SPAG16: variants seen among roughly 807,000 people sequenced by gnomAD.
SPAG16 encodes sperm-associated antigen 16 protein.
Under a neutral mutation model 80.4 loss-of-function variants are expected in SPAG16, and 86 were observed. That is an observed-to-expected ratio of 1.07 (90% CI 0.90 to 1.28). The LOEUF is 1.28. Ranked by LOEUF, SPAG16 falls within the 50% of genes most tolerant of loss-of-function variation. SPAG16 has a pLI of 0.00. For synonymous variants in SPAG16, 294 were observed against 265.9 expected (o/e 1.11, Z -1.03); for missense variants, 870 against 765.3 (o/e 1.14, Z -1.61).
At chr2:213,876,142 G>A (rs759694288) in intron 11 of SPAG16, among the ~76,000 whole-genome samples, 24 of 152,116 alleles carry the variant, frequency 1.6e-4, no homozygotes, top group South Asian at 8.3e-4. Flanking sequence ...CCAACTATAA[G>A]CAAATGCAGA....
At chr2:213,989,810 T>C (rs1218724484) in intron 12 of SPAG16, among the ~76,000 whole-genome samples, 2 of 152,150 alleles carry the variant, frequency 1.3e-5, no homozygotes, top group Non-Finnish European at 2.9e-5. Context: ...ATGATTTGCC[T>C]GTAGTTATGT....
intron 10 of SPAG16, among the ~76,000 whole-genome samples, chr2:213,579,765 A>C (rs2060242879): frequency 6.6e-6 from 1 of 152,148 alleles, no homozygotes; most frequent in Admixed American, 6.6e-5. Context: ...TAGCCAAAGC[A>C]ATAAAGATTA....
chr2:213,911,484 T>A (rs1285659991), intron 11 of SPAG16, among the ~76,000 whole-genome samples: 1 of 152,162 alleles, frequency 6.6e-6, no homozygotes, highest in Non-Finnish European at 1.5e-5. Flanking sequence ...TTATGTAAAG[T>A]CTGAAAAATG....
Position 213,340,167 on chromosome 2 carries a change from G to A in SPAG16, c.541G>A (p.Ala181Thr), listed in dbSNP as rs2124953788. Residue 181 changes from alanine (A) to threonine (T), a missense_variant, in exon 6 of 16, where the codon GCT becomes ACT. Coordinates refer to ENST00000331683, the MANE Select transcript of SPAG16 (RefSeq NM_024532.5). ...LKHYKQAADK[A>T]REDLLKIQKE... ...AAGTTACTATTTTTTTTTCAGCAAA[G>A]CTAGAGAAGATTTGCTGAAAATTCA... 6.2e-7 allele frequency: 1 copy of A among 1,601,160 alleles called. No homozygotes were observed. The highest frequency in any genetic ancestry group is 2.2e-5 in the East Asian group (1 of 44,626).
intron 15 of SPAG16, among the ~76,000 whole-genome samples, chr2:214,226,430 G>T (rs2058699240): frequency 6.6e-6 from 1 of 152,026 alleles, no homozygotes; most frequent in Admixed American, 6.6e-5. Flanking sequence ...TTAATAAAAA[G>T]AACTTCAAAA....
chr2:214,252,858 T>C (rs1690396790), intron 15 of SPAG16, among the ~76,000 whole-genome samples: 1 of 152,162 alleles, frequency 6.6e-6, no homozygotes, highest in African/African-American at 2.4e-5. Context: ...TCTAGAACCT[T>C]GAGAAATCGC....
chr2:214,080,054 T>C (rs1013898554), intron 13 of SPAG16, among the ~76,000 whole-genome samples: 12 of 152,142 alleles, frequency 7.9e-5, no homozygotes, highest in Non-Finnish European at 1.6e-4. Context: ...AATATCTCAG[T>C]TTGTCCATCC....
chr2:213,619,757 T>C (rs2061709136), intron 10 of SPAG16, among the ~76,000 whole-genome samples: 1 of 152,144 alleles, frequency 6.6e-6, no homozygotes, highest in Non-Finnish European at 1.5e-5. Flanking sequence ...GTATGGAACT[T>C]CCTCAAAAAA....
At chr2:213,459,489 T>C (rs916032501) in intron 9 of SPAG16, among the ~76,000 whole-genome samples, 2 of 152,220 alleles carry the variant, frequency 1.3e-5, no homozygotes, top group African/African-American at 4.8e-5. Flanking sequence ...AGTTTCACTT[T>C]AGTACCTGTA....
chr2:214,088,536 C>A (rs2051941936), intron 13 of SPAG16, among the ~76,000 whole-genome samples: 1 of 152,070 alleles, frequency 6.6e-6, no homozygotes, highest in Non-Finnish European at 1.5e-5. Flanking sequence ...AAACAATAAA[C>A]AATTCACTTC....
At chr2:213,790,715 G>A (rs2070644070) in intron 10 of SPAG16, among the ~76,000 whole-genome samples, 1 of 151,998 alleles carries the variant, frequency 6.6e-6, no homozygotes, top group Non-Finnish European at 1.5e-5. Flanking sequence ...CTAAGTGTGT[G>A]CATGTGTGTA....
chr2:213,582,375 C>G (rs2060326678), intron 10 of SPAG16, among the ~76,000 whole-genome samples: 1 of 152,076 alleles, frequency 6.6e-6, no homozygotes, highest in African/African-American at 2.4e-5. Context: ...ACATTGACCT[C>G]AGGTTCTTTC....
At chr2:214,074,152 C>T (rs2125236076) in intron 13 of SPAG16, among the ~76,000 whole-genome samples, 1 of 152,210 alleles carries the variant, frequency 6.6e-6, no homozygotes, top group African/African-American at 2.4e-5. Context: ...TATGTGTGAT[C>T]CAGAAGAGGG....
chr2:213,834,959 TC>T (rs2073995413), intron 10 of SPAG16, among the ~76,000 whole-genome samples: 1 of 152,172 alleles, frequency 6.6e-6, no homozygotes, highest in Non-Finnish European at 1.5e-5. Context: ...GGTCCTAGGT[TC>T]TTTTATTGGG....
Position 214,135,858 on chromosome 2 carries a change from C to G in SPAG16, c.1594-13282C>G, listed in dbSNP as rs2055027867. 2.0e-5 allele frequency among the ~76,000 whole-genome samples: 3 copies of G among 152,096 alleles called. No individual in the cohort carries two copies. The South Asian group carries it at 6.2e-4, about 32-fold the overall frequency. On this transcript the variant is annotated intron_variant, in intron 14 of 15. Transcript: ENST00000331683. ...CCCTCACCAGAAGCAGATACTGGCGCCATGCTTCTATAGTCTGCCGACTGC... is the reference window on the plus strand; with the variant it reads ...CCCTCACCAGAAGCAGATACTGGCGGCATGCTTCTATAGTCTGCCGACTGC...
At chr2:213,429,465 C>G (rs2125474202) in intron 9 of SPAG16, among the ~76,000 whole-genome samples, 1 of 152,288 alleles carries the variant, frequency 6.6e-6, no homozygotes, top group East Asian at 1.9e-4. Context: ...TGAAAAAGAT[C>G]AAGTATAAAC....
At chr2:214,373,486 G>A (rs116333390) in intron 15 of SPAG16, among the ~76,000 whole-genome samples, 50 of 152,258 alleles carry the variant, frequency 3.3e-4, no homozygotes, top group African/African-American at 1.1e-3. Flanking sequence ...ATTTATTAAC[G>A]TGAGAAATAG....
chr2:213,853,482 G>A lies in SPAG16; in HGVS notation c.1071-9003G>A, dbSNP rs1034626148. 5.3e-5 allele frequency among the ~76,000 whole-genome samples: 8 copies of A among 152,284 alleles called. No homozygotes were observed. The East Asian group carries it at 1.5e-3, about 29-fold the overall frequency. On this transcript the variant is annotated intron_variant, in intron 10 of 15. Transcript: ENST00000331683. ...TCTCTGCCAGAACATAATATTTTAT[G>A]TAACATGCCTGGTATATTGTTTAAC...
chr2:213,674,270 T>C (rs898354136), intron 10 of SPAG16, among the ~76,000 whole-genome samples: 2 of 152,194 alleles, frequency 1.3e-5, no homozygotes, highest in African/African-American at 4.8e-5. Flanking sequence ...GACAACATAC[T>C]TGATTCTTTT....
Sources: gnomAD v4.1 joint callset for allele counts (sites outside exome capture counted in the v4.1 genomes callset) on GRCh38, gnomAD v4.1.1 for gene constraint, MANE v1.5 for transcripts, NCBI Gene and HGNC (gene_info 2026-07-23, HGNC 2026-07-21) for gene names.